The following GRK7 variants were observed in gnomAD, a reference collection of about 807,000 sequenced individuals.
GRK7 encodes G protein-coupled receptor kinase 7.
A neutral mutation model predicts 34.1 loss-of-function variants in GRK7; 24 were observed. The observed-to-expected ratio is 0.70, with a 90% CI of 0.51 to 0.99. The LOEUF (loss-of-function observed/expected upper bound fraction) is 0.99. Among genes scored for constraint, GRK7 ranks in the 50% least tolerant of loss-of-function variants. The pLI, the probability that GRK7 is intolerant of heterozygous loss-of-function variation, is 0.00. For missense variants in GRK7, 644 were observed against 707.3 expected (o/e 0.91, Z 1.02); for synonymous variants, 256 against 279.4 (o/e 0.92, Z 0.84).
At chr3:141,774,098 T>C (rs920175957) in intron 1 of GRK7, among the ~76,000 whole-genome samples, 2 of 152,152 alleles carry the variant, frequency 1.3e-5, no homozygotes, top group East Asian at 3.9e-4. Context: ...TACTGTTTCA[T>C]TAAGTTGGGA....
At chr3:141,805,194 T>C (rs73226677) in intron 4 of GRK7, among the ~76,000 whole-genome samples, 244 of 152,238 alleles carry the variant, frequency 1.6e-3, no homozygotes, top group Non-Finnish European at 2.9e-3. Flanking sequence ...GAATCAACCT[T>C]CTGACCTGTC....
intron 4 of GRK7, among the ~76,000 whole-genome samples, chr3:141,789,484 T>C (rs941017056): frequency 4.6e-5 from 7 of 152,082 alleles, no homozygotes; most frequent in South Asian, 2.1e-4. Flanking sequence ...ACTGGACAAC[T>C]CAGGTCACAT....
At chr3:141,804,242 G>A (rs1577924722) in intron 4 of GRK7, among the ~76,000 whole-genome samples, 1 of 152,102 alleles carries the variant, frequency 6.6e-6, no homozygotes, top group East Asian at 1.9e-4. Flanking sequence ...AAGGAGGCTG[G>A]GAGAGATGTT....
At chr3:141,803,302 C>G (rs1281774489) in intron 4 of GRK7, among the ~76,000 whole-genome samples, 1 of 149,944 alleles carries the variant, frequency 6.7e-6, no homozygotes, top group Non-Finnish European at 1.5e-5. Flanking sequence ...CGTGGTGGTG[C>G]ACGCCTGTAG....
At chr3:141,810,466 A>T (rs780716291) in intron 5 of GRK7, among the ~76,000 whole-genome samples, 1 of 150,450 alleles carries the variant, frequency 6.6e-6, no homozygotes, top group Non-Finnish European at 1.5e-5. Flanking sequence ...CGCATTCTCT[A>T]CCCTCTTACC....
the GRK7 span, among the ~76,000 whole-genome samples, chr3:141,756,849 C>T: frequency 1.3e-5 from 2 of 152,090 alleles, no homozygotes; most frequent in African/African-American, 2.4e-5. Context: ...GTTCTGGTCC[C>T]CTGTGGAGGT....
At chr3:141,757,129 C>CTTTTTTTTTTTTTTTTCTTTTTTTTTT in the GRK7 span, among the ~76,000 whole-genome samples, 2 of 101,362 alleles carry the variant, frequency 2.0e-5, no homozygotes, top group Admixed American at 1.1e-4. Context: ...AGATCTTCTT[C>CTTTTTTTTTTTTTTTTCTTTTTTTTTT]TTTTTTTTTT....
chr3:141,762,585 C>T (rs1213166472), upstream of GRK7, among the ~76,000 whole-genome samples: 1 of 151,560 alleles, frequency 6.6e-6, no homozygotes, highest in South Asian at 2.1e-4. Context: ...TGTGCCCTGC[C>T]CCCAGAGCTG....
intron 1 of GRK7, among the ~76,000 whole-genome samples, chr3:141,767,783 G>T (rs1355391068): frequency 1.3e-5 from 2 of 152,140 alleles, no homozygotes; most frequent in East Asian, 3.9e-4. Flanking sequence ...TGTCACACTA[G>T]ATTCTTTTAC....
At chr3:141,751,014 C>T in the GRK7 span, among the ~76,000 whole-genome samples, 10 of 152,196 alleles carry the variant, frequency 6.6e-5, no homozygotes, top group South Asian at 1.9e-3. Flanking sequence ...AGCTACTGCA[C>T]TCCAGGCTGG....
intron 2 of GRK7, among the ~76,000 whole-genome samples, chr3:141,777,506 TG>T (rs1559839932): frequency 5.1e-5 from 6 of 117,726 alleles, no homozygotes; most frequent in East Asian, 4.8e-4. Context: ...TTTTTTTTTT[TG>T]TATTTTTTTT....
At chr3:141,767,361 G>T (rs1252256358) in intron 1 of GRK7, among the ~76,000 whole-genome samples, 2 of 151,918 alleles carry the variant, frequency 1.3e-5, no homozygotes, top group Non-Finnish European at 2.9e-5. Context: ...TACCATGCAA[G>T]CCTTATAACT....
intron 5 of GRK7, among the ~76,000 whole-genome samples, chr3:141,815,408 A>G (rs75881386): frequency 0.06 from 9,198 of 152,220 alleles, 330 homozygotes; most frequent in African/African-American, 0.11. Flanking sequence ...TAATCAGACC[A>G]GGAAATATAT....
At chr3:141,777,507 G>GT (rs2084646115) in intron 2 of GRK7, among the ~76,000 whole-genome samples, 1 of 33,008 alleles carries the variant, frequency 3.0e-5, no homozygotes, top group Admixed American at 3.2e-4. Context: ...TTTTTTTTTT[G>GT]TATTTTTTTT....
At position 141,780,872 on chromosome 3, in the gene GRK7, C is replaced by T; in HGVS notation, c.1050+61C>T. The T allele has an allele frequency of 6.3e-6, 9 of 1,424,422 alleles. No homozygotes were observed. In the South Asian group the frequency reaches 1.1e-4, roughly 17 times the overall value. The allele number at this position is 1,424,422 out of a possible 1,614,324, so 88.2% of individuals were successfully genotyped here. A position where few individuals can be genotyped will look rare whatever the true frequency, so the allele number is the denominator to read the frequency against. ...CAGAGTTGGAAAGGAGGGGAGAGGG[C>T]TTTTCTATTCCCAGGGCAAATAGAG... is the stretch of plus-strand genomic sequence containing the variant. On this transcript the variant is annotated intron_variant, in intron 4 of 5. Coordinates refer to ENST00000682958, the MANE Select transcript of GRK7 (RefSeq NM_139209.3).
At chr3:141,770,611 G>A (rs1317501148) in intron 1 of GRK7, among the ~76,000 whole-genome samples, 1 of 150,136 alleles carries the variant, frequency 6.7e-6, no homozygotes, top group Non-Finnish European at 1.5e-5. Context: ...CAAATCAGAC[G>A]TTGCCAAAAG....
chr3:141,751,527 C>T, the GRK7 span, among the ~76,000 whole-genome samples: 1 of 152,164 alleles, frequency 6.6e-6, no homozygotes, highest in Non-Finnish European at 1.5e-5. Flanking sequence ...TATGTGACTA[C>T]AAGAACCATT....
chr3:141,769,195 A>C (rs1044025088), intron 1 of GRK7, among the ~76,000 whole-genome samples: 9 of 152,218 alleles, frequency 5.9e-5, no homozygotes, highest in African/African-American at 2.2e-4. Context: ...ACCTTCTTCC[A>C]GGTTTTCCCT....
chr3:141,792,174 G>A (rs1302111982), intron 4 of GRK7, among the ~76,000 whole-genome samples: 5 of 151,784 alleles, frequency 3.3e-5, no homozygotes, highest in African/African-American at 4.8e-5. Context: ...AGGCCGAGGC[G>A]GACAGATCAC....
Sources: gnomAD v4.1 joint callset for allele counts (sites outside exome capture counted in the v4.1 genomes callset) on GRCh38, gnomAD v4.1.1 for gene constraint, MANE v1.5 for transcripts, NCBI Gene and HGNC (gene_info 2026-07-23, HGNC 2026-07-21) for gene names.